AGBL1: variants seen among roughly 807,000 people sequenced by gnomAD.
AGBL1 encodes the protein AGBL carboxypeptidase 1, also known as cytosolic carboxypeptidase 4.
In AGBL1, 130 loss-of-function variants were observed where a neutral mutation model predicts 118.9. The ratio of observed to expected loss-of-function variants is 1.09; its 90% CI spans 0.95 to 1.26. The LOEUF is 1.26. Among genes scored for constraint, AGBL1 ranks in the 50% most tolerant of loss-of-function variants. The pLI, the probability that AGBL1 is intolerant of heterozygous loss-of-function variation, is 0.00. For synonymous variants in AGBL1, 555 were observed against 478.9 expected (o/e 1.16, Z -2.08); for missense variants, 1,584 against 1,298.1 (o/e 1.22, Z -3.38).
intron 22 of AGBL1, among the ~76,000 whole-genome samples, chr15:86,799,575 A>G (rs1361438145): frequency 6.6e-6 from 1 of 152,138 alleles, no homozygotes; most frequent in African/African-American, 2.4e-5. Flanking sequence ...ATGGCATCTG[A>G]TATTGTGACG....
intron 22 of AGBL1, among the ~76,000 whole-genome samples, chr15:86,750,359 A>C (rs970230193): frequency 3.3e-5 from 5 of 152,086 alleles, no homozygotes; most frequent in African/African-American, 1.2e-4. Context: ...TAATGATCAA[A>C]TCAGGGTAAT....
chr15:86,888,290 G>A (rs1344908735), intron 22 of AGBL1, among the ~76,000 whole-genome samples: 2 of 151,722 alleles, frequency 1.3e-5, no homozygotes, highest in African/African-American at 4.8e-5. Context: ...TCACCTTAGG[G>A]CTACCTCATA....
chr15:86,267,276 C>T (rs916529690), intron 13 of AGBL1, among the ~76,000 whole-genome samples, 200 bp downstream of exon 13: 9 of 152,020 alleles, frequency 5.9e-5, no homozygotes, highest in African/African-American at 2.2e-4. Flanking sequence ...AAACATTTAC[C>T]AGTACACCAC....
intron 22 of AGBL1, among the ~76,000 whole-genome samples, chr15:86,860,552 A>G (rs549913067): frequency 2.0e-5 from 3 of 152,238 alleles, no homozygotes; most frequent in African/African-American, 7.2e-5. Context: ...CCTGACTTAT[A>G]AATGTTTTAC....
chr15:86,329,640 C>A (rs146490420), intron 17 of AGBL1, among the ~76,000 whole-genome samples: 48 of 151,586 alleles, frequency 3.2e-4, no homozygotes, highest in Middle Eastern at 3.4e-3. Flanking sequence ...GATCATGGTG[C>A]AGTGGGGTCC....
intron 18 of AGBL1, among the ~76,000 whole-genome samples, chr15:86,512,679 C>T (rs1353026790): frequency 6.6e-6 from 1 of 151,582 alleles, no homozygotes; most frequent in Non-Finnish European, 1.5e-5. Context: ...GTTAGATGTT[C>T]TTTGCCTGTC....
intron 19 of AGBL1, among the ~76,000 whole-genome samples, chr15:86,540,693 T>A (rs1349901743): frequency 1.3e-5 from 2 of 152,194 alleles, no homozygotes; most frequent in Non-Finnish European, 2.9e-5. Context: ...TTAAATCTTA[T>A]GGTAGAAAAG....
intron 22 of AGBL1, among the ~76,000 whole-genome samples, chr15:86,827,937 G>GTTTTTTTTTTTTTTTTTTTTTTTTTT (rs71460225): frequency 2.6e-4 from 2 of 7,802 alleles, no homozygotes; most frequent in Non-Finnish European, 4.3e-4. Flanking sequence ...TTGATGTAGG[G>GTTTTTTTTTTTTTTTTTTTTTTTTTT]CTTTTTTTTT....
intron 22 of AGBL1, among the ~76,000 whole-genome samples, chr15:86,692,833 C>G (rs1016123209): frequency 6.6e-6 from 1 of 152,152 alleles, no homozygotes; most frequent in Admixed American, 6.6e-5. Flanking sequence ...AGCTGAGCTT[C>G]CACTTATGAG....
intron 18 of AGBL1, among the ~76,000 whole-genome samples, chr15:86,452,411 C>T (rs2082205497): frequency 6.6e-6 from 1 of 152,194 alleles, no homozygotes; most frequent in African/African-American, 2.4e-5. Flanking sequence ...TCATGATGCA[C>T]TGAATATTCC....
At chr15:86,162,187 G>T (rs768793515) in intron 5 of AGBL1, among the ~76,000 whole-genome samples, 3 of 152,102 alleles carry the variant, frequency 2.0e-5, no homozygotes, top group Non-Finnish European at 4.4e-5. Context: ...CTCAAGGGGG[G>T]TCTTGCAGGG....
chr15:86,715,677 G>A (rs1186680826), intron 22 of AGBL1, among the ~76,000 whole-genome samples: 1 of 151,946 alleles, frequency 6.6e-6, no homozygotes, highest in Non-Finnish European at 1.5e-5. Flanking sequence ...GATGGCTGTT[G>A]GAATTTAAAG....
At chr15:86,376,266 G>A (rs11629686) in intron 17 of AGBL1, among the ~76,000 whole-genome samples, 31,822 of 152,096 alleles carry the variant, frequency 0.21, 4,185 homozygotes, top group East Asian at 0.61. Flanking sequence ...AAATTTCAAA[G>A]TCTGAACAGT....
At chr15:86,489,331 T>A (rs2082750326) in intron 18 of AGBL1, among the ~76,000 whole-genome samples, 1 of 152,108 alleles carries the variant, frequency 6.6e-6, no homozygotes, top group African/African-American at 2.4e-5. Flanking sequence ...AACTGTCAAA[T>A]CTGTTTGGAT....
At chr15:86,448,440 AC>A (rs2082153860) in intron 18 of AGBL1, among the ~76,000 whole-genome samples, 1 of 152,180 alleles carries the variant, frequency 6.6e-6, no homozygotes. Context: ...TGCGTAGTTG[AC>A]TACTACAAAG....
intron 22 of AGBL1, among the ~76,000 whole-genome samples, chr15:86,831,461 C>T (rs2079102522): frequency 6.6e-6 from 1 of 152,186 alleles, no homozygotes. Context: ...AATGTGTGTA[C>T]AGGTATTGGG....
Position 86,999,550 on chromosome 15 carries a change from A to G in AGBL1, c.3323+11462A>G, listed in dbSNP as rs1196436084. Among the ~76,000 whole-genome samples, 7 of 148,372 alleles carry G rather than the reference A, an allele frequency of 4.7e-5. No individual in the cohort carries two copies. In the South Asian group the frequency reaches 1.3e-3, roughly 27 times the overall value. On this transcript the variant is annotated intron_variant, in intron 24 of 24. Coordinates refer to the AGBL1 transcript ENST00000441037. ...TTTCATCCATGTCCCTACAAAGGACATGAACTCATCATTTTTTATGGCTGC... is the reference window on the plus strand; with the variant it reads ...TTTCATCCATGTCCCTACAAAGGACGTGAACTCATCATTTTTTATGGCTGC...
chr15:86,651,064 C>G (rs567595896), intron 21 of AGBL1, among the ~76,000 whole-genome samples: 4 of 152,140 alleles, frequency 2.6e-5, no homozygotes, highest in Non-Finnish European at 5.9e-5. Context: ...ACACCCTTTC[C>G]TATGTTTCCT....
chr15:86,650,565 A>T (rs995285534), intron 21 of AGBL1, among the ~76,000 whole-genome samples: 2 of 152,174 alleles, frequency 1.3e-5, no homozygotes, highest in East Asian at 3.9e-4. Context: ...CAAGAATTCT[A>T]TTGCTTGTTT....
Sources: allele counts gnomAD v4.1 joint callset (sites outside exome capture counted in the v4.1 genomes callset), GRCh38; gene constraint gnomAD v4.1.1; transcripts MANE v1.5; gene names NCBI Gene and HGNC (gene_info 2026-07-23, HGNC 2026-07-21).